ASAP2: variants seen among roughly 807,000 people sequenced by gnomAD.
ASAP2 encodes ArfGAP with SH3 domain, ankyrin repeat and PH domain 2, also known as arf-GAP with SH3 domain, ANK repeat and PH domain-containing protein 2.
Under a neutral mutation model 131.4 loss-of-function variants are expected in ASAP2, and 45 were observed. The observed-to-expected ratio is 0.34, with a 90% CI of 0.27 to 0.44. ASAP2 has a LOEUF of 0.44. Ranked by LOEUF, ASAP2 falls within the 20% of genes least tolerant of loss-of-function variation. The pLI is 1.00. For missense variants in ASAP2, 1,011 were observed against 1,297.0 expected, an observed-to-expected ratio of 0.78 and a Z score of 3.39; for synonymous variants, 510 against 503.0, an observed-to-expected ratio of 1.01 and a Z score of -0.19.
At chr2:9,320,142 C>T in intron 4 of ASAP2, 146 bp from the exon 5 acceptor site, 1 of 657,964 alleles carries the variant, frequency 1.5e-6, no homozygotes, top group South Asian at 1.7e-5. Flanking sequence ...AGCATGTACT[C>T]TTGGTTCTTT....
Position 9,391,032 on chromosome 2 carries a change from A to G in ASAP2, c.2384-30A>G, listed in dbSNP as rs775306936. ...TGTGTGCACGTGTATGTGTGCGTGC[A>G]TGCGTCTGTGTGCATGCGTGTGGGT... On this transcript the variant is annotated intron_variant, in intron 22 of 27. Transcript: ENST00000281419. 8.7e-6 allele frequency: 14 copies of G among 1,613,988 alleles called. No homozygotes were observed. In the East Asian group the frequency reaches 2.2e-4, roughly 26 times the overall value.
Position 9,253,092 on chromosome 2 carries a change from TGTTTTTTAAAAA to T in ASAP2, c.127-26218_127-26207del, listed in dbSNP as rs1360500758. 3.9e-5 allele frequency among the ~76,000 whole-genome samples: 6 copies of T among 152,288 alleles called. No homozygotes were observed. The East Asian group carries it at 9.7e-4, about 25-fold the overall frequency. On this transcript the variant is annotated intron_variant, in intron 1 of 27. Transcript: ENST00000281419. ...CAAAGAAACGAAAGTCGTTTTTTGT[TGTTTTTTAAAAA>T]GTTTTTAAAGTCAGCTGAATTGAGG...
rs185647172 is a variant in ASAP2, at chr2:9,307,172, G to T, written c.345+9727G>T. ...TGCATCAGCATCGCCTGCGTGGCTT[G>T]TTAGACCACACCTGTTGGACTTCCC... On this transcript the variant is annotated intron_variant, in intron 3 of 27. Coordinates refer to ENST00000281419, the MANE Select transcript of ASAP2 (RefSeq NM_003887.3). Among the ~76,000 whole-genome samples, 728 of 152,328 alleles carry T rather than the reference G, an allele frequency of 4.8e-3. 5 individuals are homozygous for T. The highest frequency in any genetic ancestry group is 0.01 in the Middle Eastern group (3 of 294).
chr2:9,394,524 G>T (rs1172060710), intron 24 of ASAP2, among the ~76,000 whole-genome samples: 1 of 152,120 alleles, frequency 6.6e-6, no homozygotes, highest in Non-Finnish European at 1.5e-5. Flanking sequence ...TAGTGGAAAT[G>T]ATATTTAGAG....
At chr2:9,298,282 CAT>C (rs905145458) in intron 3 of ASAP2, among the ~76,000 whole-genome samples, 2 of 152,150 alleles carry the variant, frequency 1.3e-5, no homozygotes, top group Non-Finnish European at 2.9e-5. Flanking sequence ...AAGTGAAAAA[CAT>C]AGCTCATTCC....
At chr2:9,254,252 T>TACACACAC (rs1177773963) in intron 1 of ASAP2, among the ~76,000 whole-genome samples, 2 of 85,668 alleles carry the variant, frequency 2.3e-5, no homozygotes, top group African/African-American at 1.0e-4. Context: ...TATATATATA[T>TACACACAC]ATACACGTGT....
chr2:9,399,821 G>T (rs1190132488), intron 24 of ASAP2: 11 of 598,712 alleles, frequency 1.8e-5, no homozygotes, highest in Admixed American at 6.0e-5. Flanking sequence ...CTGGTTTTAG[G>T]ATCAGAAACG....
chr2:9,222,295 T>C (rs1662478598), intron 1 of ASAP2, among the ~76,000 whole-genome samples: 1 of 152,376 alleles, frequency 6.6e-6, no homozygotes, highest in East Asian at 1.9e-4. Flanking sequence ...ATTTGCTTGC[T>C]TGGTCTTTAG....
chr2:9,386,881 A>G (rs1019849646), intron 21 of ASAP2, among the ~76,000 whole-genome samples: 6 of 152,242 alleles, frequency 3.9e-5, no homozygotes, highest in Non-Finnish European at 8.8e-5. Context: ...AAGTTACCTG[A>G]GTCATCATTC....
intron 23 of ASAP2, 62 bp downstream of exon 23, chr2:9,391,258 T>A (rs1372021927): frequency 5.8e-6 from 9 of 1,558,676 alleles, no homozygotes; most frequent in African/African-American, 1.4e-5. Flanking sequence ...TGGCGGGGGG[T>A]GCTCTCTGGA....
chr2:9,302,013 T>C (rs907712777), intron 3 of ASAP2, among the ~76,000 whole-genome samples: 2 of 151,378 alleles, frequency 1.3e-5, no homozygotes, highest in Non-Finnish European at 1.5e-5. Flanking sequence ...TTAGTAGAGA[T>C]GGGGTTTCAC....
At chr2:9,327,767 C>A in intron 6 of ASAP2, 59 bp from the exon 7 acceptor site, 1 of 1,283,416 alleles carries the variant, frequency 7.8e-7, no homozygotes, top group Non-Finnish European at 1.1e-6. Flanking sequence ...TCCTCAGAAG[C>A]TCCTTTTAAA....
intron 3 of ASAP2, among the ~76,000 whole-genome samples, chr2:9,312,674 C>T (rs1669379228): frequency 1.3e-5 from 2 of 152,140 alleles, no homozygotes; most frequent in South Asian, 4.1e-4. Context: ...AGAGTTTCCA[C>T]TTGGTAGTTT....
At chr2:9,369,263 C>T (rs539804511) in intron 16 of ASAP2, among the ~76,000 whole-genome samples, 1 of 152,220 alleles carries the variant, frequency 6.6e-6, no homozygotes, top group African/African-American at 2.4e-5. Flanking sequence ...AGGTGATCCA[C>T]TCGCTGCAGC....
rs1470646011 is a variant in ASAP2, at chr2:9,404,534, G to A, written c.*1207G>A. The stretch of plus-strand genomic sequence containing the variant: ...ATACCTCTATTTAGTAATTGCGAGG[G>A]TAAGATTCATAGTAGGAATATTGGA... On this transcript the variant is annotated 3_prime_UTR_variant, in exon 28 of 28. Transcript: ENST00000281419. 2.0e-5 allele frequency: 3 copies of A among 152,306 alleles called. No homozygotes were observed. Among genetic ancestry groups the A allele is most frequent in the Non-Finnish European group, 4.4e-5 (3 of 68,036 alleles). The allele number at this position is 152,306 out of a possible 1,614,324, so 9.4% of individuals were successfully genotyped here. A position where few individuals can be genotyped will look rare whatever the true frequency, so the allele number is the denominator to read the frequency against.
chr2:9,400,119 G>C, intron 25 of ASAP2, 47 bp downstream of exon 25: 1 of 1,570,030 alleles, frequency 6.4e-7, no homozygotes, highest in Non-Finnish European at 8.7e-7. Context: ...TGGTCCATGG[G>C]GGCAATGTGG....
intron 1 of ASAP2, among the ~76,000 whole-genome samples, chr2:9,252,065 C>A (rs33969163): frequency 2.0e-5 from 3 of 151,972 alleles, no homozygotes; most frequent in African/African-American, 4.8e-5. Flanking sequence ...AAAACCTTCC[C>A]TCTGGGAAAT....
chr2:9,355,938 G>C lies in ASAP2; in HGVS notation c.1112-109G>C, dbSNP rs923196636. On this transcript the variant is annotated intron_variant, in intron 12 of 27. Coordinates refer to ENST00000281419, the MANE Select transcript of ASAP2 (RefSeq NM_003887.3). ...TGATTTTATACAAATCAGTAATTTC[G>C]TAACAGAGAGCTAAGATTATTCCAG... is the stretch of plus-strand genomic sequence containing the variant. 2.2e-6 allele frequency: 3 copies of C among 1,348,234 alleles called. No individual in the cohort carries two copies. In the East Asian group the frequency reaches 6.9e-5, roughly 31 times the overall value. The allele number at this position is 1,348,234 out of a possible 1,614,324, so 83.5% of individuals were successfully genotyped here. A position where few individuals can be genotyped will look rare whatever the true frequency, so the allele number is the denominator to read the frequency against.
At chr2:9,341,111 T>C (rs1671544279) in intron 9 of ASAP2, among the ~76,000 whole-genome samples, 1 of 152,190 alleles carries the variant, frequency 6.6e-6, no homozygotes. Context: ...CTGGCCTCTC[T>C]TACTTTTTAT....
Sources: gnomAD v4.1 joint callset for allele counts (sites outside exome capture counted in the v4.1 genomes callset) on GRCh38, gnomAD v4.1.1 for gene constraint, MANE v1.5 for transcripts, NCBI Gene and HGNC (gene_info 2026-07-23, HGNC 2026-07-21) for gene names.